IFT43: variants seen among roughly 807,000 people sequenced by gnomAD.
IFT43 encodes the protein intraflagellar transport protein 43 homolog.
IFT43 carries 33 observed loss-of-function variants against 32.3 expected under a neutral mutation model. That is an observed-to-expected ratio of 1.02 (90% CI 0.77 to 1.37). IFT43 has a LOEUF of 1.37. Among genes scored for constraint, IFT43 ranks in the 40% most tolerant of loss-of-function variants. IFT43 has a pLI of 0.00. For missense variants in IFT43, 274 were observed against 265.9 expected, an observed-to-expected ratio of 1.03 and a Z score of -0.21; for synonymous variants, 93 against 98.2, an observed-to-expected ratio of 0.95 and a Z score of 0.31.
At chr14:76,035,564 C>T (rs1369206331) in intron 3 of IFT43, among the ~76,000 whole-genome samples, 1 of 152,160 alleles carries the variant, frequency 6.6e-6, no homozygotes, top group African/African-American at 2.4e-5. Context: ...CCTTTAGCAG[C>T]AAGTAGTTGA....
At chr14:76,060,550 C>A (rs1295332654) in intron 5 of IFT43, among the ~76,000 whole-genome samples, 4 of 151,412 alleles carry the variant, frequency 2.6e-5, no homozygotes, top group Non-Finnish European at 5.9e-5. Context: ...TTTTTAGACA[C>A]ACTTATTTAT....
chr14:76,060,824 CCCTT>C lies in IFT43; in HGVS notation c.295+1452_295+1455del, dbSNP rs1336279606. On this transcript the variant is annotated intron_variant, in intron 5 of 8. Coordinates refer to ENST00000314067, the MANE Select transcript of IFT43 (RefSeq NM_001102564.3). ...TTCTTCCCTCCCTTCCTCCCTCCCT[CCCTT>C]TCTTCCTTCCTTCCTTCCTTCCTTC... Among the ~76,000 whole-genome samples, 152 of 103,000 alleles carry C rather than the reference CCCTT, an allele frequency of 1.5e-3. 4 individuals are homozygous for C. In the South Asian group the frequency reaches 0.061, roughly 41 times the overall value. The allele number at this position is 103,000 out of a possible 152,430, so 67.6% of individuals were successfully genotyped here. A position where few individuals can be genotyped will look rare whatever the true frequency, so the allele number is the denominator to read the frequency against.
intron 3 of IFT43, among the ~76,000 whole-genome samples, chr14:76,042,315 A>C (rs2036722990): frequency 6.6e-6 from 1 of 151,484 alleles, no homozygotes; most frequent in Admixed American, 6.6e-5. Context: ...GTGAGTAGCC[A>C]GCCAGAATTT....
At chr14:76,047,907 C>T (rs1357076162) in intron 3 of IFT43, among the ~76,000 whole-genome samples, 3 of 151,956 alleles carry the variant, frequency 2.0e-5, no homozygotes, top group Non-Finnish European at 4.4e-5. Flanking sequence ...CAAGGGGAGG[C>T]AGGGTTGGTG....
At chr14:75,989,254 C>T (rs1176805913) in intron 2 of IFT43, among the ~76,000 whole-genome samples, 2 of 151,760 alleles carry the variant, frequency 1.3e-5, no homozygotes, top group Non-Finnish European at 2.9e-5. Flanking sequence ...GTTTCAAAAT[C>T]CAGTAGGATT....
chr14:76,018,642 T>C (rs887273275), intron 2 of IFT43, among the ~76,000 whole-genome samples: 1 of 152,178 alleles, frequency 6.6e-6, no homozygotes, highest in African/African-American at 2.4e-5. Context: ...GTGCTGACAG[T>C]TGGATGTTGA....
chr14:76,011,956 T>C (rs1426319009), intron 2 of IFT43, among the ~76,000 whole-genome samples: 2 of 152,178 alleles, frequency 1.3e-5, no homozygotes, highest in Non-Finnish European at 2.9e-5. Flanking sequence ...AAAGAACAAC[T>C]TTCTTGGATC....
intron 3 of IFT43, among the ~76,000 whole-genome samples, chr14:76,028,527 G>C (rs2036448438): frequency 6.6e-6 from 1 of 152,102 alleles, no homozygotes; most frequent in Non-Finnish European, 1.5e-5. Context: ...GGGGTATGTT[G>C]CATGATGCTG....
chr14:76,081,147 G>A (rs867665752), intron 5 of IFT43, among the ~76,000 whole-genome samples: 4 of 152,190 alleles, frequency 2.6e-5, no homozygotes, highest in South Asian at 2.1e-4. Context: ...ATCCTCTGGC[G>A]TCACTTGACT....
intron 5 of IFT43, among the ~76,000 whole-genome samples, chr14:76,060,489 G>A (rs970770599): frequency 6.6e-6 from 1 of 151,926 alleles, no homozygotes. Flanking sequence ...AAAGTGCTGA[G>A]ATTACAGCCG....
chr14:76,033,914 T>G (rs2036552291), intron 3 of IFT43, among the ~76,000 whole-genome samples: 3 of 152,158 alleles, frequency 2.0e-5, no homozygotes, highest in Admixed American at 2.0e-4. Flanking sequence ...ATCATTATGG[T>G]CAGGGAGTGT....
intron 2 of IFT43, among the ~76,000 whole-genome samples, chr14:76,014,743 A>C: frequency 6.6e-6 from 1 of 152,170 alleles, no homozygotes; most frequent in East Asian, 1.9e-4. Flanking sequence ...ATGCATGCTT[A>C]TCAGAGCAGC....
intron 2 of IFT43, among the ~76,000 whole-genome samples, chr14:76,019,651 A>G (rs987362500): frequency 1.3e-5 from 2 of 152,154 alleles, no homozygotes; most frequent in East Asian, 1.9e-4. Flanking sequence ...TTATTGCATT[A>G]ATAGGTTTTC....
At chr14:76,019,762 C>CT (rs895249155) in intron 2 of IFT43, among the ~76,000 whole-genome samples, 12 of 151,818 alleles carry the variant, frequency 7.9e-5, no homozygotes, top group Non-Finnish European at 1.6e-4. Flanking sequence ...ATTCTTTTTT[C>CT]TTTTTTGTCT....
chr14:76,043,672 C>T (rs1282197486), intron 3 of IFT43, among the ~76,000 whole-genome samples: 2 of 152,210 alleles, frequency 1.3e-5, no homozygotes, highest in African/African-American at 4.8e-5. Flanking sequence ...AAACTGTTTT[C>T]TCCTACTATA....
At position 76,082,354 on chromosome 14, in the gene IFT43, G is replaced by A; in HGVS notation, c.355G>A (p.Ala119Thr). ...VQEEDFVLQV[A>T]APPSIQIKRV... ...GGAAGAAGACTTTGTTTTGCAGGTGGCAGCCCCTCCCAGGTAGGTTAAATC... is the reference window on the plus strand; with the variant it reads ...GGAAGAAGACTTTGTTTTGCAGGTGACAGCCCCTCCCAGGTAGGTTAAATC... Residue 119 changes from alanine (A) to threonine (T), a missense_variant, in exon 6 of 9, where the codon GCA becomes ACA. Ala to Thr is a moderately conservative substitution (Grantham distance 58). Transcript: ENST00000314067. 6.2e-7 allele frequency: 1 copy of A among 1,608,250 alleles called. No individual in the cohort carries two copies. Among genetic ancestry groups the A allele is most frequent in the South Asian group, 1.1e-5 (1 of 90,936 alleles).
In IFT43 at chr14:76,039,895, A is replaced by T. The variant is rs564552491; in HGVS notation, c.215+17501A>T. Among the ~76,000 whole-genome samples, 94 of 152,322 alleles carry T rather than the reference A, an allele frequency of 6.2e-4. 1 individual carries two copies. The highest frequency in any genetic ancestry group is 1.1e-3 in the Non-Finnish European group (72 of 68,034). On this transcript the variant is annotated intron_variant, in intron 3 of 8. Transcript: ENST00000314067. ...GGGAACATATGCATTCTGCACTTTT[A>T]AAAAAATCTCTAACAATATTTCTTG...
chr14:76,020,351 C>T (rs2036267776), intron 2 of IFT43, among the ~76,000 whole-genome samples: 1 of 151,974 alleles, frequency 6.6e-6, no homozygotes, highest in Non-Finnish European at 1.5e-5. Context: ...CTTTTTTATC[C>T]ATTTCATGGA....
At chr14:76,034,596 C>CT (rs1181107045) in intron 3 of IFT43, among the ~76,000 whole-genome samples, 1 of 152,214 alleles carries the variant, frequency 6.6e-6, no homozygotes, top group Non-Finnish European at 1.5e-5. Context: ...AGTAGAAGGG[C>CT]TGTTTATGAA....
Sources: gnomAD v4.1 joint callset for allele counts (sites outside exome capture counted in the v4.1 genomes callset) on GRCh38, gnomAD v4.1.1 for gene constraint, MANE v1.5 for transcripts, NCBI Gene and HGNC (gene_info 2026-07-23, HGNC 2026-07-21) for gene names.